KLRG1: variants seen among roughly 807,000 people sequenced by gnomAD.
KLRG1 encodes the protein killer cell lectin-like receptor subfamily G member 1.
In KLRG1, 16 loss-of-function variants were observed where a neutral mutation model predicts 21.8. The ratio of observed to expected loss-of-function variants is 0.73; its 90% confidence interval spans 0.50 to 1.11. KLRG1 has a LOEUF of 1.11. Among genes scored for constraint, KLRG1 ranks in the 50% most tolerant of loss-of-function variants. The probability of loss-of-function intolerance (pLI) is 0.00; values close to 1 mark genes in which losing one functional copy is unlikely to be tolerated. For synonymous variants in KLRG1, 69 were observed against 75.9 expected (o/e 0.91, Z 0.47); for missense variants, 173 against 218.3 (o/e 0.79, Z 1.31).
At chr12:9,166,826 A>G in the KLRG1 span, among the ~76,000 whole-genome samples, 1 of 152,200 alleles carries the variant, frequency 6.6e-6, no homozygotes, top group African/African-American at 2.4e-5. Flanking sequence ...AGACAAAGAA[A>G]TCATTTACCA....
At chr12:9,201,055 T>C in the KLRG1 span, 3 of 1,613,984 alleles carry the variant, frequency 1.9e-6, no homozygotes, top group Non-Finnish European at 2.5e-6. Context: ...GATTTCTTCT[T>C]GGGTTCTGAA....
At chr12:9,101,345 G>C in the KLRG1 span, 1 of 1,338,688 alleles carries the variant, frequency 7.5e-7, no homozygotes, top group Non-Finnish European at 1.0e-6. Context: ...AAGGAACATG[G>C]ATAAGAAGTT....
chr12:9,129,334 G>A, the KLRG1 span, among the ~76,000 whole-genome samples: 1 of 151,870 alleles, frequency 6.6e-6, no homozygotes, highest in Non-Finnish European at 1.5e-5. Context: ...CAAATAAATG[G>A]TCATTACTAT....
the KLRG1 span, among the ~76,000 whole-genome samples, chr12:9,022,743 G>A: frequency 5.9e-5 from 9 of 151,830 alleles, no homozygotes; most frequent in Non-Finnish European, 1.2e-4. Context: ...GCCTACGTGT[G>A]CCACTCCTCA....
chr12:9,169,529 C>T, the KLRG1 span: 1 of 1,613,008 alleles, frequency 6.2e-7, no homozygotes, highest in East Asian at 2.2e-5. Flanking sequence ...CTTGTTCTTC[C>T]TCCTGCTGGT....
chr12:9,009,312 A>C, intron 4 of KLRG1, 114 bp from the exon 5 acceptor site: 4 of 1,311,242 alleles, frequency 3.1e-6, no homozygotes, highest in Non-Finnish European at 4.1e-6. Context: ...TGTTTGGGGG[A>C]ATTAGGGGCC....
intron 3 of KLRG1, among the ~76,000 whole-genome samples, chr12:8,997,382 G>A (rs1947165419): frequency 2.6e-5 from 4 of 152,058 alleles, no homozygotes; most frequent in African/African-American, 7.2e-5. Flanking sequence ...GCCCTGCTGC[G>A]TCTGTTGTTC....
the KLRG1 span, among the ~76,000 whole-genome samples, chr12:9,062,057 A>G: frequency 1.3e-5 from 2 of 151,016 alleles, no homozygotes; most frequent in East Asian, 3.9e-4. Flanking sequence ...ACCTGACACA[A>G]TAGATATGTA....
At chr12:9,169,798 A>T in the KLRG1 span, 1,939 of 428,370 alleles carry the variant, frequency 4.5e-3, 31 homozygotes, top group African/African-American at 0.036. Flanking sequence ...AAATGCTTCC[A>T]AAGATTAACA....
the KLRG1 span, chr12:9,107,457 C>T: frequency 5.1e-6 from 8 of 1,572,664 alleles, no homozygotes; most frequent in Non-Finnish European, 6.1e-6. Flanking sequence ...CAGAAAAATG[C>T]TGCAACTCAC....
At chr12:8,958,804 C>G (rs762598995) in intron 1 of KLRG1, among the ~76,000 whole-genome samples, 1 of 150,834 alleles carries the variant, frequency 6.6e-6, no homozygotes, top group South Asian at 2.1e-4. Flanking sequence ...CTTCAGAGAG[C>G]CGTGGTTGCA....
At chr12:8,974,702 A>C (rs998375564) in intron 1 of KLRG1, among the ~76,000 whole-genome samples, 9 of 152,134 alleles carry the variant, frequency 5.9e-5, no homozygotes, top group Non-Finnish European at 1.3e-4. Flanking sequence ...CATTCTTACA[A>C]TCCAGGGATA....
At chr12:9,118,706 C>T in the KLRG1 span, among the ~76,000 whole-genome samples, 3 of 152,152 alleles carry the variant, frequency 2.0e-5, no homozygotes, top group African/African-American at 4.8e-5. Context: ...TCCTAGGTCA[C>T]AATTGTGAAA....
At chr12:9,135,564 CA>C in the KLRG1 span, 5 of 340,094 alleles carry the variant, frequency 1.5e-5, no homozygotes, top group Admixed American at 4.2e-5. Flanking sequence ...CCAGCCCTTC[CA>C]AAAACTACAG....
the KLRG1 span, among the ~76,000 whole-genome samples, chr12:9,129,125 C>T: frequency 6.6e-6 from 1 of 152,250 alleles, no homozygotes; most frequent in Admixed American, 6.5e-5. Flanking sequence ...TTACTCAAAA[C>T]CTACACAGGC....
At chr12:8,983,629 G>A (rs1329762183) in intron 1 of KLRG1, among the ~76,000 whole-genome samples, 1 of 152,036 alleles carries the variant, frequency 6.6e-6, no homozygotes, top group East Asian at 1.9e-4. Flanking sequence ...TCGAACTGGT[G>A]AGCTCAGGTG....
chr12:9,033,495 T>G, the KLRG1 span, among the ~76,000 whole-genome samples: 6 of 150,250 alleles, frequency 4.0e-5, no homozygotes, highest in South Asian at 1.3e-3. Flanking sequence ...TGATTCCAAG[T>G]GAGAGGGGAA....
the KLRG1 span, among the ~76,000 whole-genome samples, chr12:9,023,990 T>G: frequency 6.6e-6 from 1 of 150,950 alleles, no homozygotes; most frequent in Non-Finnish European, 1.5e-5. Context: ...GCACCTATGT[T>G]GAAAATCAAT....
chr12:9,094,352 T>TG, the KLRG1 span, among the ~76,000 whole-genome samples: 2 of 142,964 alleles, frequency 1.4e-5, no homozygotes, highest in Non-Finnish European at 3.0e-5. Context: ...TATATATATA[T>TG]ATATATATAT....
Sources: gnomAD v4.1 joint callset for allele counts (sites outside exome capture counted in the v4.1 genomes callset) on GRCh38, gnomAD v4.1.1 for gene constraint, MANE v1.5 for transcripts, NCBI Gene and HGNC (gene_info 2026-07-23, HGNC 2026-07-21) for gene names.